The following CFAP210 variants were observed in gnomAD, a reference collection of about 807,000 sequenced individuals.
CFAP210 encodes the protein cilia- and flagella- associated protein 210.
chr2:169,646,126 T>C, the CFAP210 span: 1 of 1,613,950 alleles, frequency 6.2e-7, no homozygotes, highest in Middle Eastern at 1.6e-4. Flanking sequence ...CTTCAGTAAG[T>C]CTGCAATAAT....
At chr2:169,679,022 G>A in the CFAP210 span, among the ~76,000 whole-genome samples, 2 of 152,086 alleles carry the variant, frequency 1.3e-5, no homozygotes, top group African/African-American at 4.8e-5. Context: ...GTGCAGAAAT[G>A]TCGCCTGAAT....
At chr2:169,658,114 G>C in the CFAP210 span, 3 of 152,128 alleles carry the variant, frequency 2.0e-5, no homozygotes, top group Non-Finnish European at 4.4e-5. Context: ...CAGGAAATCA[G>C]AGATTTAGCC....
the CFAP210 span, among the ~76,000 whole-genome samples, chr2:169,664,692 G>C: frequency 6.6e-6 from 1 of 152,186 alleles, no homozygotes; most frequent in Non-Finnish European, 1.5e-5. Flanking sequence ...AGCAGAGTCA[G>C]CAACCAGCAC....
chr2:169,658,852 G>T, the CFAP210 span: 1 of 195,422 alleles, frequency 5.1e-6, no homozygotes, highest in Non-Finnish European at 1.1e-5. Context: ...CAGGCCAGTT[G>T]TGGTAGCTCA....
At chr2:169,656,400 GGAT>G in the CFAP210 span, among the ~76,000 whole-genome samples, 2 of 149,796 alleles carry the variant, frequency 1.3e-5, no homozygotes, top group Admixed American at 6.7e-5. Context: ...AGGAGGAGGA[GGAT>G]GAAGTAGAGA....
chr2:169,683,944 T>C, the CFAP210 span, among the ~76,000 whole-genome samples: 1 of 152,216 alleles, frequency 6.6e-6, no homozygotes, highest in Non-Finnish European at 1.5e-5. Flanking sequence ...AAGTTCCCCA[T>C]ATCTTTGGAG....
the CFAP210 span, among the ~76,000 whole-genome samples, chr2:169,691,722 T>C: frequency 6.6e-6 from 1 of 152,238 alleles, no homozygotes; most frequent in African/African-American, 2.4e-5. Context: ...TATTAAAAAC[T>C]GTACATATAT....
chr2:169,671,050 G>A, the CFAP210 span, among the ~76,000 whole-genome samples: 2 of 152,052 alleles, frequency 1.3e-5, no homozygotes, highest in Non-Finnish European at 1.5e-5. Flanking sequence ...ATTAAAATAC[G>A]GTCTCTGCCC....
the CFAP210 span, among the ~76,000 whole-genome samples, chr2:169,690,663 C>CAA: frequency 0.025 from 2,637 of 106,080 alleles, 87 homozygotes; most frequent in African/African-American, 0.079. Flanking sequence ...GACTCTGTCT[C>CAA]AAAAAAAAAA....
At chr2:169,680,717 G>A in the CFAP210 span, among the ~76,000 whole-genome samples, 39 of 152,252 alleles carry the variant, frequency 2.6e-4, no homozygotes, top group Middle Eastern at 6.8e-3. Flanking sequence ...AGAAATAAGA[G>A]GGAACAAAAC....
chr2:169,688,000 G>GC, the CFAP210 span, among the ~76,000 whole-genome samples: 1 of 152,182 alleles, frequency 6.6e-6, no homozygotes, highest in Non-Finnish European at 1.5e-5. Context: ...CCAAGGCTTG[G>GC]GGCTTCCACC....
chr2:169,655,688 G>A, the CFAP210 span, among the ~76,000 whole-genome samples: 3 of 152,244 alleles, frequency 2.0e-5, no homozygotes, highest in Non-Finnish European at 2.9e-5. Context: ...GCCAGTAAAT[G>A]GCAGAGTTAG....
At chr2:169,653,060 ATATATATG>A in the CFAP210 span, among the ~76,000 whole-genome samples, 15 of 100,508 alleles carry the variant, frequency 1.5e-4, no homozygotes, top group East Asian at 3.1e-3. Flanking sequence ...ATATATATAT[ATATATATG>A]TATGTGTGTA....
the CFAP210 span, among the ~76,000 whole-genome samples, chr2:169,651,865 T>G: frequency 7.0e-6 from 1 of 141,888 alleles, no homozygotes. Context: ...CCCTTTACAC[T>G]ATAAGGTTCC....
At chr2:169,685,027 T>C in the CFAP210 span, among the ~76,000 whole-genome samples, 3 of 152,230 alleles carry the variant, frequency 2.0e-5, no homozygotes, top group African/African-American at 7.2e-5. Flanking sequence ...CATTCATCAG[T>C]TGATGGATAT....
At chr2:169,678,253 A>ATTGCTTGAACCCG in the CFAP210 span, among the ~76,000 whole-genome samples, 1 of 147,280 alleles carries the variant, frequency 6.8e-6, no homozygotes, top group South Asian at 2.3e-4. Flanking sequence ...AGGCAGGAGA[A>ATTGCTTGAACCCG]TTGCTTGAAC....
At chr2:169,677,691 A>G in the CFAP210 span, among the ~76,000 whole-genome samples, 2 of 152,190 alleles carry the variant, frequency 1.3e-5, no homozygotes, top group Non-Finnish European at 2.9e-5. Context: ...ACATTTATTC[A>G]ATATCATATT....
At chr2:169,655,733 C>T in the CFAP210 span, among the ~76,000 whole-genome samples, 1 of 152,172 alleles carries the variant, frequency 6.6e-6, no homozygotes, top group Non-Finnish European at 1.5e-5. Flanking sequence ...TCCAAGCCTA[C>T]TTGGAGACAT....
chr2:169,663,803 A>AC, the CFAP210 span, among the ~76,000 whole-genome samples: 1 of 151,900 alleles, frequency 6.6e-6, no homozygotes, highest in Non-Finnish European at 1.5e-5. Context: ...TAATAAAAAA[A>AC]AAAAACCAAG....
Sources: allele counts gnomAD v4.1 joint callset (sites outside exome capture counted in the v4.1 genomes callset), GRCh38; gene constraint gnomAD v4.1.1; transcripts MANE v1.5; gene names NCBI Gene and HGNC (gene_info 2026-07-23, HGNC 2026-07-21).